The following ANGPTL1 variants were observed in gnomAD, a reference collection of about 807,000 sequenced individuals.
ANGPTL1 encodes the protein angiopoietin like 1, also known as angiopoietin-related protein 1.
ANGPTL1 carries 36 observed loss-of-function variants against 46.7 expected under a neutral mutation model. That is an observed-to-expected ratio of 0.77 (90% CI 0.59 to 1.02). The LOEUF (loss-of-function observed/expected upper bound fraction) is 1.02, where lower values mean the gene tolerates loss of function less well. ANGPTL1 is among the 50% of genes least tolerant of loss of function. The pLI is 0.00. For missense variants in ANGPTL1, 571 were observed against 594.7 expected (o/e 0.96, Z 0.41); for synonymous variants, 221 against 204.3 (o/e 1.08, Z -0.69).
At position 178,850,981 on chromosome 1, in the gene ANGPTL1, G is replaced by T; in HGVS notation, c.*148C>A. 1 of 647,704 alleles carries T rather than the reference G, an allele frequency of 1.5e-6. No individual in the cohort carries two copies. The highest frequency in any genetic ancestry group is 2.3e-6 in the Non-Finnish European group (1 of 428,352). The allele number at this position is 647,704 out of a possible 1,614,324, so 40.1% of individuals were successfully genotyped here. On this transcript the variant is annotated 3_prime_UTR_variant, in exon 6 of 6. Coordinates refer to ENST00000234816, the MANE Select transcript of ANGPTL1 (RefSeq NM_004673.4). ...GACGACAGATGAAACTACATTTATA[G>T]GTTCCCTTTTATAGTTACGGTAAAA... is the stretch of plus-strand genomic sequence containing the variant.
chr1:178,851,732 T>C lies in ANGPTL1; in HGVS notation c.1289-416A>G, dbSNP rs1657187737. 3.3e-5 allele frequency among the ~76,000 whole-genome samples: 5 copies of C among 152,164 alleles called. No individual in the cohort carries two copies. In the South Asian group the frequency reaches 1.0e-3, roughly 32 times the overall value. ...AAGTAAAATAAAACCAGCAGTCAAA[T>C]GGGTTTCTGTAAATAAGACATATGT... is the stretch of plus-strand genomic sequence containing the variant. On this transcript the variant is annotated intron_variant, in intron 5 of 5. Transcript: ENST00000234816.
intron 3 of ANGPTL1, 21 bp downstream of exon 3, chr1:178,864,933 T>C (rs200893945): frequency 1.4e-6 from 2 of 1,406,616 alleles, no homozygotes; most frequent in African/African-American, 1.4e-5. Context: ...CTCCCACTTT[T>C]TACAGTAAGA....
chr1:178,857,044 A>T (rs753069804), intron 3 of ANGPTL1, among the ~76,000 whole-genome samples: 2 of 152,192 alleles, frequency 1.3e-5, no homozygotes, highest in Non-Finnish European at 2.9e-5. Flanking sequence ...AGAAACATGC[A>T]TTGTAGTCAA....
chr1:178,868,819 A>G (rs1374789953), intron 2 of ANGPTL1, among the ~76,000 whole-genome samples: 1 of 151,986 alleles, frequency 6.6e-6, no homozygotes, highest in East Asian at 1.9e-4. Flanking sequence ...TTTTAAATAA[A>G]TATAATTTTT....
Position 178,865,676 on chromosome 1 carries a change from C to G in ANGPTL1, c.101G>C (p.Arg34Thr), listed in dbSNP as rs1302979407. 2 of 1,614,010 alleles carry G rather than the reference C, an allele frequency of 1.2e-6. No homozygotes were observed. The highest frequency in any genetic ancestry group is 1.6e-4 in the Middle Eastern group (1 of 6,062). Reference sequence around the variant, plus strand: ...ACCATCTGTGGCACGAGGGTATCTTCTCTGGTTTATTTTTTTAATTTTGAA... The same window carrying G: ...ACCATCTGTGGCACGAGGGTATCTTGTCTGGTTTATTTTTTTAATTTTGAA... ...GQFKIKKINQRRYPRATDGKE... is the reference protein window; with the variant it reads ...GQFKIKKINQTRYPRATDGKE... Residue 34 changes from arginine (R) to threonine (T), a missense_variant, in exon 3 of 6, where the codon AGA becomes ACA. Transcript: ENST00000234816.
intron 3 of ANGPTL1, among the ~76,000 whole-genome samples, chr1:178,859,816 G>GCCC (rs1468869767): frequency 9.0e-5 from 1 of 11,084 alleles, no homozygotes; most frequent in Non-Finnish European, 2.1e-4. Flanking sequence ...TCCTGCCTCT[G>GCCC]CCCGCCCCCC....
intron 3 of ANGPTL1, among the ~76,000 whole-genome samples, chr1:178,857,999 A>G (rs1018957060): frequency 1.3e-5 from 2 of 152,160 alleles, no homozygotes; most frequent in African/African-American, 2.4e-5. Context: ...GATTATCTTC[A>G]GCTTTAATTT....
chr1:178,853,294 A>G (rs796554483), intron 4 of ANGPTL1: 6 of 856,712 alleles, frequency 7.0e-6, no homozygotes, highest in Non-Finnish European at 8.4e-6. Flanking sequence ...GGTCTCTCTC[A>G]TATTCATCTA....
chr1:178,864,841 A>G (rs1436182111), intron 3 of ANGPTL1, 113 bp downstream of exon 3: 6 of 612,160 alleles, frequency 9.8e-6, no homozygotes, highest in Non-Finnish European at 1.4e-5. Flanking sequence ...TAGAAATTTT[A>G]ATGTACATAT....
chr1:178,867,251 A>G (rs1382372628), intron 2 of ANGPTL1, among the ~76,000 whole-genome samples: 2 of 152,094 alleles, frequency 1.3e-5, no homozygotes, highest in Admixed American at 6.6e-5. Context: ...CCACAACCCT[A>G]TGAAGTAGAT....
intron 3 of ANGPTL1, among the ~76,000 whole-genome samples, chr1:178,854,824 A>G (rs780285492): frequency 6.6e-6 from 1 of 152,132 alleles, no homozygotes; most frequent in Admixed American, 6.5e-5. Flanking sequence ...AATTTCTTCA[A>G]ATTTTACAAG....
rs1657082687 is a variant in ANGPTL1 at position 178,850,200 on chromosome 1, C to T, written c.*929G>A. 1 of 152,574 alleles carries T rather than the reference C, an allele frequency of 6.6e-6. No individual in the cohort carries two copies. Among genetic ancestry groups the T allele is most frequent in the Non-Finnish European group, 1.5e-5 (1 of 68,032 alleles). The allele number at this position is 152,574 out of a possible 1,614,324, so 9.5% of individuals were successfully genotyped here. A position where few individuals can be genotyped will look rare whatever the true frequency, so the allele number is the denominator to read the frequency against. On this transcript the variant is annotated 3_prime_UTR_variant, in exon 6 of 6. Coordinates refer to ENST00000234816, the MANE Select transcript of ANGPTL1 (RefSeq NM_004673.4). ...CACCTGTTCTGAGCATGCACTAATA[C>T]TTGTAAAGCTGTCCAAACTTTCTGA...
Position 178,850,672 on chromosome 1 carries a change from CA to C in ANGPTL1, c.*456del, listed in dbSNP as rs1483445864. ...CAATGGAAGAAGCATTTTCTATTGG[CA>C]AAACTAGAGGTTTCTCCCTAATTTT... On this transcript the variant is annotated 3_prime_UTR_variant, in exon 6 of 6. Coordinates refer to ENST00000234816, the MANE Select transcript of ANGPTL1 (RefSeq NM_004673.4). 6.6e-6 allele frequency: 1 copy of C among 152,276 alleles called. No homozygotes were observed. Among genetic ancestry groups the C allele is most frequent in the Admixed American group, 6.6e-5 (1 of 15,256 alleles). 9.4% of individuals were successfully genotyped at this position (152,276 alleles called of 1,614,324 possible). A position where few individuals can be genotyped will look rare whatever the true frequency, so the allele number is the denominator to read the frequency against.
rs1558150033 is a variant in ANGPTL1 at position 178,852,748 on chromosome 1, T to G, written c.1223A>C (p.Asp408Ala). 11 of 1,613,956 alleles carry G rather than the reference T, an allele frequency of 6.8e-6. No homozygotes were observed. The highest frequency in any genetic ancestry group is 9.3e-6 in the Non-Finnish European group (11 of 1,179,876). Reference sequence around the variant, plus strand: ...TTTACCATTATGCCACATCATAGAATCCCCTGCATTTCCCTGGTAAGTTCC... The same window carrying G: ...TTTACCATTATGCCACATCATAGAAGCCCCTGCATTTCCCTGGTAAGTTCC... ...RLGTYQGNAG[D>A]SMMWHNGKQF... Residue 408 changes from aspartate (D) to alanine (A), a missense_variant, in exon 5 of 6, where the codon GAT becomes GCT. By Grantham distance (126) the Asp-to-Ala change is moderately radical. Coordinates refer to ENST00000234816, the MANE Select transcript of ANGPTL1 (RefSeq NM_004673.4).
chr1:178,863,568 G>A (rs1219464222), intron 3 of ANGPTL1, among the ~76,000 whole-genome samples: 2 of 152,180 alleles, frequency 1.3e-5, no homozygotes, highest in African/African-American at 4.8e-5. Context: ...GAAAGAAGGT[G>A]TTTCAGTAAA....
At chr1:178,855,533 T>C (rs1302965206) in intron 3 of ANGPTL1, among the ~76,000 whole-genome samples, 2 of 151,942 alleles carry the variant, frequency 1.3e-5, no homozygotes, top group African/African-American at 4.8e-5. Context: ...CTAGTAAAAA[T>C]TTGAGAAACT....
intron 3 of ANGPTL1, among the ~76,000 whole-genome samples, chr1:178,861,804 A>G (rs982980357): frequency 2.6e-5 from 4 of 152,180 alleles, no homozygotes; most frequent in Non-Finnish European, 4.4e-5. Flanking sequence ...TTTTATTTCT[A>G]TACCCAGTGG....
intron 3 of ANGPTL1, among the ~76,000 whole-genome samples, chr1:178,859,816 G>GCC (rs1468869767): frequency 3.6e-4 from 4 of 11,080 alleles, no homozygotes; most frequent in African/African-American, 9.1e-4. Context: ...TCCTGCCTCT[G>GCC]CCCGCCCCCC....
intron 3 of ANGPTL1, among the ~76,000 whole-genome samples, chr1:178,862,843 G>A (rs1341212208): frequency 6.6e-6 from 1 of 152,074 alleles, no homozygotes; most frequent in Non-Finnish European, 1.5e-5. Flanking sequence ...TTTTCTGTTT[G>A]CAGAAGCAGA....
Sources: gnomAD v4.1 joint callset for allele counts (sites outside exome capture counted in the v4.1 genomes callset) on GRCh38, gnomAD v4.1.1 for gene constraint, MANE v1.5 for transcripts, NCBI Gene and HGNC (gene_info 2026-07-23, HGNC 2026-07-21) for gene names.